The following TBX15 variants were observed in gnomAD, a reference collection of about 807,000 sequenced individuals.
TBX15 encodes the protein T-box transcription factor TBX15.
In TBX15, 18 loss-of-function variants were observed where a neutral mutation model predicts 53.9. That is an observed-to-expected ratio of 0.33 (90% CI 0.23 to 0.49). The LOEUF is 0.49. Among genes scored for constraint, TBX15 ranks in the 20% least tolerant of loss-of-function variants. TBX15 has a pLI of 0.98. For missense variants in TBX15, 692 were observed against 749.5 expected, an observed-to-expected ratio of 0.92 and a Z score of 0.90; for synonymous variants, 295 against 278.0, an observed-to-expected ratio of 1.06 and a Z score of -0.61.
At chr1:118,977,330 A>G (rs544763982) in intron 1 of TBX15, among the ~76,000 whole-genome samples, 6 of 152,202 alleles carry the variant, frequency 3.9e-5, no homozygotes, top group African/African-American at 7.2e-5. Flanking sequence ...GGGCTGGCAC[A>G]GAGTGCCTAT....
intron 6 of TBX15, among the ~76,000 whole-genome samples, chr1:118,901,894 C>T (rs1654642246): frequency 2.0e-5 from 3 of 152,140 alleles, no homozygotes; most frequent in Admixed American, 1.3e-4. Context: ...CAACATGCCA[C>T]CTATGGACAC....
chr1:118,883,182 T>C lies in TBX15; in HGVS notation c.*1550A>G, dbSNP rs1047436701. 4 of 152,646 alleles carry C rather than the reference T, an allele frequency of 2.6e-5. No homozygotes were observed. Among genetic ancestry groups the C allele is most frequent in the South Asian group, 4.1e-4 (2 of 4,832 alleles). 9.5% of individuals were successfully genotyped at this position (152,646 alleles called of 1,614,324 possible). A position where few individuals can be genotyped will look rare whatever the true frequency, so the allele number is the denominator to read the frequency against. The stretch of plus-strand genomic sequence containing the variant: ...CCCTTTTATTGCCCCCTTTTTCATA[T>C]TCATAATATTGGATTCCCCACTAGG... On this transcript the variant is annotated 3_prime_UTR_variant, in exon 8 of 8. Coordinates refer to ENST00000369429, the MANE Select transcript of TBX15 (RefSeq NM_001330677.2).
At chr1:118,904,991 G>A (rs1654765428) in intron 6 of TBX15, among the ~76,000 whole-genome samples, 1 of 152,138 alleles carries the variant, frequency 6.6e-6, no homozygotes, top group Non-Finnish European at 1.5e-5. Context: ...TTTAATAAAT[G>A]CAGACTGATT....
At chr1:118,910,025 T>C (rs1410935081) in intron 6 of TBX15, among the ~76,000 whole-genome samples, 1 of 152,180 alleles carries the variant, frequency 6.6e-6, no homozygotes, top group Non-Finnish European at 1.5e-5. Context: ...GAGAGGCTTA[T>C]GGGCTGAGAG....
rs940532054 is a variant in TBX15, at chr1:118,988,138, T to A, written c.-343A>T. On this transcript the variant is annotated 5_prime_UTR_variant, in exon 1 of 8. Transcript: ENST00000369429. ...TTCATCTTGTTTTTGTTATTATTATTATTCTCTCTCCTCTCTCTCTCTCTC... is the reference window on the plus strand; with the variant it reads ...TTCATCTTGTTTTTGTTATTATTATAATTCTCTCTCCTCTCTCTCTCTCTC... 2 of 305,540 alleles carry A rather than the reference T, an allele frequency of 6.5e-6. No homozygotes were observed. The highest frequency in any genetic ancestry group is 1.2e-5 in the Non-Finnish European group (2 of 173,054). The allele number at this position is 305,540 out of a possible 1,614,324, so 18.9% of individuals were successfully genotyped here.
chr1:118,954,842 A>C lies in TBX15; in HGVS notation c.206-23010T>G, dbSNP rs904432545. ...GATGCACACAGGCATCTCAGCTGGAAGCACTGCATGATTTTATAGGCCCTT... is the reference window on the plus strand; with the variant it reads ...GATGCACACAGGCATCTCAGCTGGACGCACTGCATGATTTTATAGGCCCTT... On this transcript the variant is annotated intron_variant, in intron 1 of 7. Coordinates refer to ENST00000369429, the MANE Select transcript of TBX15 (RefSeq NM_001330677.2). Among the ~76,000 whole-genome samples the C allele has an allele frequency of 6.0e-4, 91 of 152,332 alleles. 1 individual carries two copies. Among genetic ancestry groups the C allele is most frequent in the Non-Finnish European group, 6.9e-4 (47 of 68,026 alleles).
intron 1 of TBX15, among the ~76,000 whole-genome samples, chr1:118,948,748 GC>G (rs1656421745): frequency 6.6e-6 from 1 of 152,126 alleles, no homozygotes. Flanking sequence ...GCTGCTTGTT[GC>G]CTCAGAGAAA....
chr1:118,891,894 TG>T (rs1354449752), intron 7 of TBX15, among the ~76,000 whole-genome samples: 1 of 152,202 alleles, frequency 6.6e-6, no homozygotes, highest in African/African-American at 2.4e-5. Flanking sequence ...CTTTGCCATT[TG>T]GGTTTTATTT....
chr1:118,913,145 G>A (rs971100782), intron 6 of TBX15, among the ~76,000 whole-genome samples: 1 of 151,664 alleles, frequency 6.6e-6, no homozygotes, highest in African/African-American at 2.4e-5. Context: ...AAAAGTTTTT[G>A]GTTTATTTGA....
chr1:118,931,728 G>A lies in TBX15; in HGVS notation c.310C>T (p.Pro104Ser), dbSNP rs1194259380. ...DLASGAAGPV[P>S]AAMSSMEEIQ... ...TCCTCCATGGAAGACATGGCAGCAGGCACAGGGCCTGCAGCACCAGAGGCC... is the reference window on the plus strand; with the variant it reads ...TCCTCCATGGAAGACATGGCAGCAGACACAGGGCCTGCAGCACCAGAGGCC... The change falls in exon 2 of 8, where the codon CCT (proline) becomes TCT (serine). Residue 104 changes from proline (P) to serine (S), a missense_variant. This residue lies in a region of TBX15 where 307 missense variants were observed against 347.5 expected (regional missense o/e 0.88). Transcript: ENST00000369429. The A allele has an allele frequency of 6.2e-7, 1 of 1,614,002 alleles. No homozygotes were observed. The highest frequency in any genetic ancestry group is 8.5e-7 in the Non-Finnish European group (1 of 1,179,942).
In TBX15 at chr1:118,923,471, C is replaced by A. The variant is rs769857016; in HGVS notation, c.826G>T (p.Val276Leu). 6.2e-7 allele frequency: 1 copy of A among 1,613,974 alleles called. No homozygotes were observed. The highest frequency in any genetic ancestry group is 8.5e-7 in the Non-Finnish European group (1 of 1,179,932). ...GVKTFNFPET[V>L]FTTVTAYQNQ... The stretch of plus-strand genomic sequence containing the variant: ...TGATAGGCCGTAACTGTGGTGAACA[C>A]AGTCTCAGGAAAGTTGAACGTTTTC... The change falls in exon 5 of 8, where the codon GTG becomes TTG. Residue 276 changes from valine to leucine, a missense_variant. Physicochemically the swap from Val to Leu is conservative, Grantham distance 32. This residue lies in a region of TBX15 where 307 missense variants were observed against 347.5 expected (regional missense o/e 0.88). Coordinates refer to ENST00000369429, the MANE Select transcript of TBX15 (RefSeq NM_001330677.2).
intron 6 of TBX15, among the ~76,000 whole-genome samples, chr1:118,907,518 A>G (rs1654880122): frequency 6.6e-6 from 1 of 152,242 alleles, no homozygotes; most frequent in Non-Finnish European, 1.5e-5. Flanking sequence ...AAGTTTTCAC[A>G]TCAGATGTGG....
chr1:118,938,804 G>A (rs1656048696), intron 1 of TBX15, among the ~76,000 whole-genome samples: 1 of 152,138 alleles, frequency 6.6e-6, no homozygotes, highest in Non-Finnish European at 1.5e-5. Flanking sequence ...CTTCTTTTGA[G>A]AAGTGTCTGT....
At chr1:118,934,912 C>CTCACAAAA (rs1655915037) in intron 1 of TBX15, among the ~76,000 whole-genome samples, 1 of 152,176 alleles carries the variant, frequency 6.6e-6, no homozygotes, top group Non-Finnish European at 1.5e-5. Context: ...AAAACAGGAT[C>CTCACAAAA]CAGTGACTTT....
chr1:118,964,260 T>C (rs370963558), intron 1 of TBX15, among the ~76,000 whole-genome samples: 4 of 152,218 alleles, frequency 2.6e-5, no homozygotes, highest in African/African-American at 9.6e-5. Flanking sequence ...TAAACTCATA[T>C]CTCCCCATTT....
chr1:118,937,779 C>T (rs1207805410), intron 1 of TBX15, among the ~76,000 whole-genome samples: 5 of 152,166 alleles, frequency 3.3e-5, no homozygotes, highest in Non-Finnish European at 7.4e-5. Context: ...GGTACACAAC[C>T]ACATTGAATG....
chr1:118,925,031 G>A (rs1376692443), intron 3 of TBX15, among the ~76,000 whole-genome samples: 1 of 152,180 alleles, frequency 6.6e-6, no homozygotes, highest in Non-Finnish European at 1.5e-5. Flanking sequence ...AAAAGATGGA[G>A]TGGGGAGGGC....
At position 118,951,170 on chromosome 1, in the gene TBX15, C is replaced by T. The variant is rs180997748; in HGVS notation, c.206-19338G>A. On this transcript the variant is annotated intron_variant, in intron 1 of 7. Coordinates refer to ENST00000369429, the MANE Select transcript of TBX15 (RefSeq NM_001330677.2). ...AAATACCTGGCTTGAAATAAATTTC[C>T]TTGACAGGAGAAAAAAGATTCCTTT... Among the ~76,000 whole-genome samples, 4 of 152,266 alleles carry T rather than the reference C, an allele frequency of 2.6e-5. No homozygotes were observed. In the East Asian group the frequency reaches 7.7e-4, roughly 29 times the overall value.
At position 118,987,994 on chromosome 1, in the gene TBX15, C is replaced by G. The variant is rs1657901776; in HGVS notation, c.-199G>C. On this transcript the variant is annotated 5_prime_UTR_variant, in exon 1 of 8. Coordinates refer to ENST00000369429, the MANE Select transcript of TBX15 (RefSeq NM_001330677.2). ...TCCTCTGCCGGATCCGACCTGCGCC[C>G]CTACGCTGGCCCAGCTGCTAGGAAC... 1 of 676,024 alleles carries G rather than the reference C, an allele frequency of 1.5e-6. No individual in the cohort carries two copies. The highest frequency in any genetic ancestry group is 2.4e-6 in the Non-Finnish European group (1 of 410,196). 41.9% of individuals were successfully genotyped at this position (676,024 alleles called of 1,614,324 possible).
Sources: allele counts gnomAD v4.1 joint callset (sites outside exome capture counted in the v4.1 genomes callset), GRCh38; gene constraint gnomAD v4.1.1; regional missense constraint gnomAD v4.1.1; transcripts MANE v1.5; gene names NCBI Gene and HGNC (gene_info 2026-07-23, HGNC 2026-07-21).